Variants in FHIT observed in about 807,000 individuals in gnomAD.
FHIT encodes the protein fragile histidine triad diadenosine triphosphatase.
FHIT carries 19 observed loss-of-function variants against 17.9 expected under a neutral mutation model. The observed-to-expected ratio is 1.06, with a 90% CI of 0.74 to 1.56. The LOEUF (loss-of-function observed/expected upper bound fraction) is 1.56. Among genes scored for constraint, FHIT ranks in the 40% most tolerant of loss-of-function variants. The pLI, the probability that FHIT is intolerant of heterozygous loss-of-function variation, is 0.00. For synonymous variants in FHIT, 81 were observed against 69.7 expected, an observed-to-expected ratio of 1.16 and a Z score of -0.81; for missense variants, 248 against 189.2, an observed-to-expected ratio of 1.31 and a Z score of -1.82.
At chr3:60,579,308 T>C (rs1242133543) in intron 4 of FHIT, among the ~76,000 whole-genome samples, 1 of 152,152 alleles carries the variant, frequency 6.6e-6, no homozygotes, top group Non-Finnish European at 1.5e-5. Context: ...CTGAATACTG[T>C]AGATAACTGT....
intron 5 of FHIT, among the ~76,000 whole-genome samples, chr3:60,295,670 A>C (rs1245999953): frequency 6.6e-6 from 1 of 152,122 alleles, no homozygotes; most frequent in Non-Finnish European, 1.5e-5. Flanking sequence ...GAGGCTATTC[A>C]AACTGTAGTA....
chr3:59,787,531 T>C (rs1234807740), intron 8 of FHIT, among the ~76,000 whole-genome samples: 1 of 124,698 alleles, frequency 8.0e-6, no homozygotes, highest in Non-Finnish European at 1.7e-5. Context: ...CACACACACG[T>C]CAAAGGCTTC....
intron 8 of FHIT, among the ~76,000 whole-genome samples, chr3:59,914,693 G>C (rs1002824752): frequency 6.6e-6 from 1 of 151,974 alleles, no homozygotes; most frequent in Non-Finnish European, 1.5e-5. Context: ...AATGTTTGGG[G>C]GCTTTTCACT....
At chr3:59,792,729 T>A (rs1162324130) in intron 8 of FHIT, among the ~76,000 whole-genome samples, 1 of 152,218 alleles carries the variant, frequency 6.6e-6, no homozygotes, top group Non-Finnish European at 1.5e-5. Context: ...CAAGCTTTTA[T>A]ATCCAATTTT....
At chr3:60,918,371 T>C (rs1198103877) in intron 3 of FHIT, among the ~76,000 whole-genome samples, 1 of 152,208 alleles carries the variant, frequency 6.6e-6, no homozygotes, top group Non-Finnish European at 1.5e-5. Context: ...TCTTATTAGA[T>C]AAGAAATTCC....
intron 5 of FHIT, among the ~76,000 whole-genome samples, chr3:60,211,262 G>A (rs1329079390): frequency 6.6e-6 from 1 of 151,836 alleles, no homozygotes; most frequent in Non-Finnish European, 1.5e-5. Context: ...ATACATACAT[G>A]TATGTATATC....
chr3:60,254,657 G>C (rs1239024636), intron 5 of FHIT, among the ~76,000 whole-genome samples: 2 of 152,084 alleles, frequency 1.3e-5, no homozygotes, highest in Non-Finnish European at 2.9e-5. Flanking sequence ...GTGGTATTTG[G>C]ACTTGGACAT....
At chr3:60,693,085 T>C (rs1485022686) in intron 4 of FHIT, among the ~76,000 whole-genome samples, 7 of 152,304 alleles carry the variant, frequency 4.6e-5, no homozygotes, top group African/African-American at 1.4e-4. Flanking sequence ...AAATTTTTAG[T>C]GGCAGCGACT....
At chr3:60,456,037 C>T (rs751713528) in intron 5 of FHIT, among the ~76,000 whole-genome samples, 1 of 152,068 alleles carries the variant, frequency 6.6e-6, no homozygotes, top group Admixed American at 6.6e-5. Flanking sequence ...GGCCAATCCA[C>T]GTTCATGAAG....
chr3:59,754,067 C>T (rs955620785), intron 8 of FHIT, among the ~76,000 whole-genome samples: 2 of 152,140 alleles, frequency 1.3e-5, no homozygotes, highest in Admixed American at 1.3e-4. Context: ...AACTCTAAAT[C>T]TAACCTAGAG....
chr3:60,805,843 G>GCCAC (rs1701365380), intron 4 of FHIT, among the ~76,000 whole-genome samples: 3 of 152,140 alleles, frequency 2.0e-5, no homozygotes, highest in African/African-American at 7.2e-5. Flanking sequence ...ACAGGTGTGA[G>GCCAC]CCACCGTGCC....
intron 1 of FHIT, among the ~76,000 whole-genome samples, chr3:61,225,148 A>C (rs1193927748): frequency 1.3e-5 from 2 of 152,220 alleles, no homozygotes; most frequent in African/African-American, 4.8e-5. Context: ...AAACAGCATG[A>C]AGGAATTGAT....
At chr3:60,629,244 A>G (rs782332654) in intron 4 of FHIT, among the ~76,000 whole-genome samples, 23 of 152,164 alleles carry the variant, frequency 1.5e-4, no homozygotes, top group Non-Finnish European at 2.1e-4. Context: ...ACATCTGCCC[A>G]GAGTGGAGGC....
At chr3:60,412,018 C>T (rs916766694) in intron 5 of FHIT, among the ~76,000 whole-genome samples, 5 of 151,972 alleles carry the variant, frequency 3.3e-5, no homozygotes, top group African/African-American at 1.2e-4. Flanking sequence ...TGGGGGGAAA[C>T]ATTTTTTCAC....
At chr3:60,373,928 A>G (rs1483670864) in intron 5 of FHIT, among the ~76,000 whole-genome samples, 6 of 152,230 alleles carry the variant, frequency 3.9e-5, no homozygotes, top group Admixed American at 1.3e-4. Flanking sequence ...TTCAGGAAGT[A>G]GAGAAAAGTC....
At chr3:59,893,417 T>C (rs1038477758) in intron 8 of FHIT, among the ~76,000 whole-genome samples, 1 of 152,202 alleles carries the variant, frequency 6.6e-6, no homozygotes, top group Admixed American at 6.5e-5. Context: ...ATGAACTGAT[T>C]GGTGCAGTAA....
At chr3:60,037,534 C>T (rs1414897742) in intron 5 of FHIT, among the ~76,000 whole-genome samples, 1 of 150,028 alleles carries the variant, frequency 6.7e-6, no homozygotes, top group Non-Finnish European at 1.5e-5. Flanking sequence ...AGGCACGCAC[C>T]ACCGCACTGG....
chr3:60,744,687 G>A (rs782624374), intron 4 of FHIT, among the ~76,000 whole-genome samples: 1 of 152,166 alleles, frequency 6.6e-6, no homozygotes, highest in Non-Finnish European at 1.5e-5. Context: ...AATGGGTGTA[G>A]TTGCTGCTAC....
intron 5 of FHIT, among the ~76,000 whole-genome samples, chr3:60,362,121 G>A (rs1699930919): frequency 6.6e-6 from 1 of 152,036 alleles, no homozygotes; most frequent in African/African-American, 2.4e-5. Flanking sequence ...ATAGCATGAT[G>A]TTATAGAATA....
Sources: gnomAD v4.1 joint callset for allele counts (sites outside exome capture counted in the v4.1 genomes callset) on GRCh38, gnomAD v4.1.1 for gene constraint, MANE v1.5 for transcripts, NCBI Gene and HGNC (gene_info 2026-07-23, HGNC 2026-07-21) for gene names.